The following SLC12A2 variants were observed in gnomAD, a reference collection of about 807,000 sequenced individuals.
SLC12A2 encodes the protein Na-K-2Cl cotransporter 1.
A neutral mutation model predicts 136.3 loss-of-function variants in SLC12A2; 67 were observed. The observed-to-expected ratio is 0.49, with a 90% CI of 0.40 to 0.60. SLC12A2 has a LOEUF of 0.60. Ranked by LOEUF, SLC12A2 falls within the 20% of genes least tolerant of loss-of-function variation. SLC12A2 has a pLI of 0.00. For missense variants in SLC12A2, 1,322 were observed against 1,534.7 expected (o/e 0.86, Z 2.32); for synonymous variants, 619 against 562.9 (o/e 1.10, Z -1.41).
chr5:128,114,418 G>A (rs1460715601), intron 3 of SLC12A2, 131 bp downstream of exon 3: 14 of 829,376 alleles, frequency 1.7e-5, no homozygotes, highest in Non-Finnish European at 1.9e-6. Flanking sequence ...TTGTTATCTT[G>A]ATGTTCCTTT....
chr5:128,122,074 A>G (rs1403904067), intron 4 of SLC12A2, among the ~76,000 whole-genome samples: 1 of 152,224 alleles, frequency 6.6e-6, no homozygotes, highest in Non-Finnish European at 1.5e-5. Flanking sequence ...TTAATACTGT[A>G]TTATATGAAC....
At chr5:128,090,453 A>T (rs887396406) in intron 1 of SLC12A2, among the ~76,000 whole-genome samples, 4 of 152,212 alleles carry the variant, frequency 2.6e-5, no homozygotes, top group Admixed American at 6.5e-5. Context: ...TCTATAGTAT[A>T]GTCCTATGCT....
intron 1 of SLC12A2, chr5:128,110,096 T>C (rs957642765): frequency 1.1e-6 from 1 of 944,808 alleles, no homozygotes; most frequent in African/African-American, 1.5e-5. Context: ...TCAAGTCTCA[T>C]GGTGAACATG....
chr5:128,143,610 A>G (rs933534935), intron 10 of SLC12A2, among the ~76,000 whole-genome samples: 29 of 152,124 alleles, frequency 1.9e-4, no homozygotes, highest in South Asian at 1.0e-3. Context: ...ATTAATTTGG[A>G]GGATAATTTT....
In SLC12A2 at chr5:128,084,782, C is replaced by T. The variant is rs1029816471; in HGVS notation, c.756+72C>T. The T allele has an allele frequency of 4.1e-6, 6 of 1,448,492 alleles. No homozygotes were observed. The highest frequency in any genetic ancestry group is 1.4e-5 in the African/African-American group (1 of 70,552). 89.7% of individuals were successfully genotyped at this position (1,448,492 alleles called of 1,614,324 possible). A position where few individuals can be genotyped will look rare whatever the true frequency, so the allele number is the denominator to read the frequency against. On this transcript the variant is annotated intron_variant, in intron 1 of 26. Transcript: ENST00000262461. This position sits in a 1 kb window ranked among gnomAD's most constrained non-coding sequence, Gnocchi z 5.6. ...CGACCGCGGGATGTGGCTGCAGACT[C>T]TTCCCGAGTTGAGGTGGCGGGAGTA... is the stretch of plus-strand genomic sequence containing the variant.
At chr5:128,171,284 G>T (rs569681451) in intron 18 of SLC12A2, among the ~76,000 whole-genome samples, 20 of 152,152 alleles carry the variant, frequency 1.3e-4, no homozygotes, top group Non-Finnish European at 2.5e-4. Flanking sequence ...CAAGGTTTTT[G>T]TGTGTGTGTC....
intron 5 of SLC12A2, among the ~76,000 whole-genome samples, chr5:128,132,552 A>G (rs370273306): frequency 3.2e-4 from 49 of 152,324 alleles, no homozygotes; most frequent in African/African-American, 1.2e-3. Flanking sequence ...ATTGCTCTGG[A>G]GTATAATTAA....
At chr5:128,175,124 C>T (rs1237659405) in intron 20 of SLC12A2, among the ~76,000 whole-genome samples, 1 of 152,020 alleles carries the variant, frequency 6.6e-6, no homozygotes, top group Non-Finnish European at 1.5e-5. Context: ...CTAGTATCTC[C>T]ATCTGTCCTA....
chr5:128,150,334 T>C (rs1762661217), intron 13 of SLC12A2, among the ~76,000 whole-genome samples: 1 of 151,830 alleles, frequency 6.6e-6, no homozygotes, highest in Non-Finnish European at 1.5e-5. Context: ...CTGATAACAC[T>C]GAAAAATTGT....
chr5:128,114,110 G>A (rs983391234), intron 2 of SLC12A2, 102 bp from the exon 3 acceptor site: 1 of 806,738 alleles, frequency 1.2e-6, no homozygotes, highest in Non-Finnish European at 2.1e-6. Flanking sequence ...CATATCTTCT[G>A]TAGTTTCAAA....
At chr5:128,131,390 G>A (rs1369759560) in intron 5 of SLC12A2, among the ~76,000 whole-genome samples, 184 bp downstream of exon 5, 1 of 152,190 alleles carries the variant, frequency 6.6e-6, no homozygotes, top group Non-Finnish European at 1.5e-5. Flanking sequence ...TGGGCCGGGC[G>A]CGGTGGCTCG....
At chr5:128,091,355 T>A (rs771724456) in intron 1 of SLC12A2, among the ~76,000 whole-genome samples, 1 of 152,124 alleles carries the variant, frequency 6.6e-6, no homozygotes, top group Non-Finnish European at 1.5e-5. Context: ...GGCAAACAGG[T>A]AAAATTGCAG....
intron 1 of SLC12A2, among the ~76,000 whole-genome samples, chr5:128,103,736 A>G (rs533613667): frequency 1.8e-4 from 28 of 152,382 alleles, no homozygotes; most frequent in African/African-American, 6.3e-4. Context: ...TGCATTTAAC[A>G]GGCAGAGGGA....
rs1050325107 is a variant in SLC12A2 at position 128,188,563 on chromosome 5, G to C, written c.*1932G>C. ...CCGCCTCAGCCTCCCAGAGTGCTGG[G>C]ATTACAGGTGCGAGCCACTGCGCCT... On this transcript the variant is annotated 3_prime_UTR_variant, in exon 27 of 27. Coordinates refer to ENST00000262461, the MANE Select transcript of SLC12A2 (RefSeq NM_001046.3). The C allele has an allele frequency of 1.3e-5, 2 of 151,890 alleles. No homozygotes were observed. Among genetic ancestry groups the C allele is most frequent in the Non-Finnish European group, 2.9e-5 (2 of 67,998 alleles). The allele number at this position is 151,890 out of a possible 1,614,324, so 9.4% of individuals were successfully genotyped here. A position where few individuals can be genotyped will look rare whatever the true frequency, so the allele number is the denominator to read the frequency against.
intron 7 of SLC12A2, among the ~76,000 whole-genome samples, chr5:128,137,801 T>C (rs1443643183): frequency 2.0e-5 from 3 of 152,144 alleles, no homozygotes; most frequent in Non-Finnish European, 4.4e-5. Flanking sequence ...GGGTAGCTAA[T>C]TGTCTGACAG....
chr5:128,164,737 C>T (rs1161664170), intron 17 of SLC12A2, among the ~76,000 whole-genome samples: 6 of 151,962 alleles, frequency 3.9e-5, no homozygotes, highest in Admixed American at 3.3e-4. Context: ...TGGACTTACC[C>T]TCAATTTTTC....
At chr5:128,093,339 C>T (rs1210134538) in intron 1 of SLC12A2, among the ~76,000 whole-genome samples, 1 of 152,106 alleles carries the variant, frequency 6.6e-6, no homozygotes, top group Non-Finnish European at 1.5e-5. Flanking sequence ...TTCCTTGTTC[C>T]TCTTTTTTCT....
chr5:128,086,667 C>T (rs1467351790), intron 1 of SLC12A2, among the ~76,000 whole-genome samples: 19 of 152,104 alleles, frequency 1.2e-4, no homozygotes, highest in Admixed American at 1.2e-3. Context: ...TCTTTATGGC[C>T]ACTGTTTTAT....
chr5:128,101,189 C>T (rs1316686662), intron 1 of SLC12A2, among the ~76,000 whole-genome samples: 2 of 151,908 alleles, frequency 1.3e-5, no homozygotes, highest in Admixed American at 6.6e-5. Context: ...ACCGACAGCA[C>T]GGATAGGAAA....
Sources: gnomAD v4.1 joint callset for allele counts (sites outside exome capture counted in the v4.1 genomes callset) on GRCh38, gnomAD v4.1.1 for gene constraint, Gnocchi (gnomAD v3.1) non-coding constraint, MANE v1.5 for transcripts, NCBI Gene and HGNC (gene_info 2026-07-23, HGNC 2026-07-21) for gene names.